SGMS1: variants seen among roughly 807,000 people sequenced by gnomAD.
SGMS1 encodes sphingomyelin synthase 1.
In SGMS1, 13 loss-of-function variants were observed where a neutral mutation model predicts 46.2. The observed-to-expected ratio is 0.28, with a 90% CI of 0.18 to 0.45. The LOEUF (loss-of-function observed/expected upper bound fraction) is 0.45. Among genes scored for constraint, SGMS1 ranks in the 20% least tolerant of loss-of-function variants. SGMS1 has a pLI of 1.00. For synonymous variants in SGMS1, 203 were observed against 187.8 expected, an observed-to-expected ratio of 1.08 and a Z score of -0.66; for missense variants, 324 against 519.9, an observed-to-expected ratio of 0.62 and a Z score of 3.66.
chr10:50,379,449 TA>T (rs1564895405), intron 6 of SGMS1, among the ~76,000 whole-genome samples: 1 of 152,026 alleles, frequency 6.6e-6, no homozygotes, highest in African/African-American at 2.4e-5. Context: ...TATATATATA[TA>T]TATATATGTG....
intron 1 of SGMS1, among the ~76,000 whole-genome samples, chr10:50,612,418 TGG>T (rs1255835673): frequency 6.6e-6 from 1 of 152,148 alleles, no homozygotes; most frequent in Non-Finnish European, 1.5e-5. Flanking sequence ...TAAATAGGAC[TGG>T]GGAAGGTAGT....
At position 50,408,465 on chromosome 10, in the gene SGMS1, A is replaced by C. The variant is rs559390906; in HGVS notation, c.-232+25011T>G. Among the ~76,000 whole-genome samples the C allele has an allele frequency of 6.1e-3, 919 of 151,580 alleles. 8 individuals are homozygous for C. Among genetic ancestry groups the C allele is most frequent in the African/African-American group, 0.021 (865 of 41,286 alleles). On this transcript the variant is annotated intron_variant, in intron 6 of 10. Transcript: ENST00000361781. Reference sequence around the variant, plus strand: ...AAAAAAAAAAAAAAAACAAAATAAAAACTTTTTTTAATTAGCGAGGCTCCT... The same window carrying C: ...AAAAAAAAAAAAAAAACAAAATAAACACTTTTTTTAATTAGCGAGGCTCCT...
intron 2 of SGMS1, among the ~76,000 whole-genome samples, chr10:50,584,543 T>C (rs1250926074): frequency 6.6e-6 from 1 of 151,568 alleles, no homozygotes; most frequent in African/African-American, 2.4e-5. Context: ...CTTAACTTTA[T>C]TAATTTTGGC....
At chr10:50,605,982 T>C (rs927057089) in intron 1 of SGMS1, among the ~76,000 whole-genome samples, 10 of 152,228 alleles carry the variant, frequency 6.6e-5, no homozygotes, top group Non-Finnish European at 1.3e-4. Context: ...AAGAGACACC[T>C]TATTTTCTTT....
At chr10:50,317,384 A>G (rs1847356947) in intron 8 of SGMS1, among the ~76,000 whole-genome samples, 1 of 152,100 alleles carries the variant, frequency 6.6e-6, no homozygotes, top group African/African-American at 2.4e-5. Flanking sequence ...CAGTTATCTC[A>G]CTGTATCTTC....
At chr10:50,562,287 T>C (rs11006141) in intron 2 of SGMS1, among the ~76,000 whole-genome samples, 44,992 of 151,490 alleles carry the variant, frequency 0.3, 7,677 homozygotes, top group East Asian at 0.64. Context: ...TATGGTTTGG[T>C]GTATCTGCTA....
intron 3 of SGMS1, among the ~76,000 whole-genome samples, chr10:50,475,550 GT>G (rs1361582190): frequency 1.3e-5 from 2 of 152,100 alleles, no homozygotes; most frequent in African/African-American, 4.8e-5. Context: ...TGAATAACTG[GT>G]CCATGTTATT....
chr10:50,386,392 T>C (rs970840257), intron 6 of SGMS1, among the ~76,000 whole-genome samples: 5 of 152,150 alleles, frequency 3.3e-5, no homozygotes, highest in Non-Finnish European at 7.4e-5. Context: ...TCCTTATGGG[T>C]TGAAGTAATT....
At chr10:50,604,793 T>C (rs1439264560) in intron 1 of SGMS1, among the ~76,000 whole-genome samples, 1 of 152,106 alleles carries the variant, frequency 6.6e-6, no homozygotes, top group Admixed American at 6.5e-5. Context: ...AATCTACACA[T>C]ACACCCATCA....
At chr10:50,470,702 G>T (rs1466315457) in intron 3 of SGMS1, among the ~76,000 whole-genome samples, 1 of 151,974 alleles carries the variant, frequency 6.6e-6, no homozygotes. Flanking sequence ...AATGCAAAGG[G>T]TAAAGCCCTT....
At chr10:50,443,205 G>A (rs747505255) in intron 5 of SGMS1, among the ~76,000 whole-genome samples, 4 of 152,114 alleles carry the variant, frequency 2.6e-5, no homozygotes, top group Non-Finnish European at 4.4e-5. Context: ...TGTAGATAAG[G>A]CATCCCTGTT....
At chr10:50,426,950 C>T (rs1849333646) in intron 6 of SGMS1, among the ~76,000 whole-genome samples, 1 of 152,164 alleles carries the variant, frequency 6.6e-6, no homozygotes, top group Non-Finnish European at 1.5e-5. Context: ...TAACAATGAA[C>T]TCCATTTCAT....
At chr10:50,528,734 T>C (rs1837926728) in intron 2 of SGMS1, among the ~76,000 whole-genome samples, 1 of 152,038 alleles carries the variant, frequency 6.6e-6, no homozygotes, top group Non-Finnish European at 1.5e-5. Flanking sequence ...CCTCTGTTTC[T>C]ACAAAAAAAT....
At chr10:50,422,903 C>T (rs1291436825) in intron 6 of SGMS1, among the ~76,000 whole-genome samples, 1 of 152,198 alleles carries the variant, frequency 6.6e-6, no homozygotes, top group Non-Finnish European at 1.5e-5. Flanking sequence ...CTTTGATTAG[C>T]ATTAGCATAT....
At chr10:50,523,792 T>C (rs1011736707) in intron 2 of SGMS1, among the ~76,000 whole-genome samples, 1 of 152,214 alleles carries the variant, frequency 6.6e-6, no homozygotes, top group African/African-American at 2.4e-5. Flanking sequence ...CAAAGAAGAA[T>C]AATATTTTAT....
At chr10:50,455,967 G>T (rs1291086319) in intron 5 of SGMS1, among the ~76,000 whole-genome samples, 1 of 152,034 alleles carries the variant, frequency 6.6e-6, no homozygotes, top group Admixed American at 6.6e-5. Flanking sequence ...TGCCTCTATG[G>T]AAACCACTAT....
rs534028915 is a variant in SGMS1 at position 50,517,408 on chromosome 10, C to A, written c.-498+2423G>T. On this transcript the variant is annotated intron_variant, in intron 3 of 10. Coordinates refer to ENST00000361781, the MANE Select transcript of SGMS1 (RefSeq NM_147156.4). The stretch of plus-strand genomic sequence containing the variant: ...AACATACCCATTTGAATTAAAAAGT[C>A]AATGGATAGGCTAAACAGAAGAGCC... 2.0e-5 allele frequency among the ~76,000 whole-genome samples: 3 copies of A among 152,094 alleles called. No homozygotes were observed. The East Asian group carries it at 5.8e-4, about 29-fold the overall frequency.
At chr10:50,317,778 T>A (rs1348176234) in intron 8 of SGMS1, among the ~76,000 whole-genome samples, 1 of 151,920 alleles carries the variant, frequency 6.6e-6, no homozygotes, top group African/African-American at 2.4e-5. Flanking sequence ...CAAGCTCCCC[T>A]GTCTCTATAA....
At chr10:50,586,299 T>C (rs1315876682) in intron 2 of SGMS1, among the ~76,000 whole-genome samples, 1 of 152,222 alleles carries the variant, frequency 6.6e-6, no homozygotes, top group Admixed American at 6.5e-5. Context: ...CTCTCCACCA[T>C]GCCCATCAAT....
Sources: gnomAD v4.1 joint callset for allele counts (sites outside exome capture counted in the v4.1 genomes callset) on GRCh38, gnomAD v4.1.1 for gene constraint, MANE v1.5 for transcripts, NCBI Gene and HGNC (gene_info 2026-07-23, HGNC 2026-07-21) for gene names.